The following APBB2 variants were observed in gnomAD, a reference collection of about 807,000 sequenced individuals.
The protein encoded by APBB2 is Fe65-like 1.
Under a neutral mutation model 82.5 loss-of-function variants are expected in APBB2, and 38 were observed. The ratio of observed to expected loss-of-function variants is 0.46; its 90% CI spans 0.36 to 0.60. The LOEUF is 0.60. Ranked by LOEUF, APBB2 falls within the 20% of genes least tolerant of loss-of-function variation. The pLI is 0.00. For missense variants in APBB2, 772 were observed against 972.3 expected (o/e 0.79, Z 2.74); for synonymous variants, 341 against 368.2 (o/e 0.93, Z 0.85).
chr4:40,934,354 A>C lies in APBB2; in HGVS notation c.1254+102T>G, dbSNP rs1462993449. ...AAAATTGAGGGATAATTACTTATTAAATGGCTCTGGGTTGATGGTTTGTAA... is the reference window on the plus strand; with the variant it reads ...AAAATTGAGGGATAATTACTTATTACATGGCTCTGGGTTGATGGTTTGTAA... On this transcript the variant is annotated intron_variant, in intron 10 of 17. Coordinates refer to ENST00000508593, the MANE Select transcript of APBB2 (RefSeq NM_004307.2). 6.1e-6 allele frequency: 7 copies of C among 1,147,684 alleles called. No individual in the cohort carries two copies. The Admixed American group carries it at 1.4e-4, about 23-fold the overall frequency. The allele number at this position is 1,147,684 out of a possible 1,614,324, so 71.1% of individuals were successfully genotyped here.
intron 1 of APBB2, among the ~76,000 whole-genome samples, chr4:41,153,839 G>C (rs1293312716): frequency 6.6e-6 from 1 of 152,094 alleles, no homozygotes; most frequent in Non-Finnish European, 1.5e-5. Flanking sequence ...ATATTAATTT[G>C]AATTTTATTG....
chr4:41,184,208 C>T (rs1189803151), intron 1 of APBB2, among the ~76,000 whole-genome samples: 1 of 152,158 alleles, frequency 6.6e-6, no homozygotes, highest in Non-Finnish European at 1.5e-5. Context: ...AAGCTTCATT[C>T]GCTGGCCTGC....
intron 6 of APBB2, among the ~76,000 whole-genome samples, chr4:40,986,124 A>G (rs1166581908): frequency 6.6e-6 from 1 of 152,232 alleles, no homozygotes; most frequent in Non-Finnish European, 1.5e-5. Flanking sequence ...CAATCTTCTC[A>G]AGCTACTCCA....
intron 2 of APBB2, among the ~76,000 whole-genome samples, chr4:41,133,496 C>A (rs1418356125): frequency 6.6e-6 from 1 of 152,198 alleles, no homozygotes; most frequent in Non-Finnish European, 1.5e-5. Flanking sequence ...CTCCGTGAAT[C>A]AAACCAGAAA....
chr4:40,893,514 C>A, intron 10 of APBB2, 103 bp from the exon 11 acceptor site: 1 of 1,081,864 alleles, frequency 9.2e-7, no homozygotes, highest in Non-Finnish European at 1.3e-6. Flanking sequence ...ACACTTAATG[C>A]ACCTTTATTT....
At chr4:41,005,594 C>G (rs1386806107) in intron 6 of APBB2, among the ~76,000 whole-genome samples, 2 of 152,180 alleles carry the variant, frequency 1.3e-5, no homozygotes, top group Non-Finnish European at 2.9e-5. Context: ...CCTGGCACTT[C>G]TGAGAAGCCT....
chr4:40,943,166 T>C (rs1408560002), intron 7 of APBB2, among the ~76,000 whole-genome samples: 1 of 152,148 alleles, frequency 6.6e-6, no homozygotes, highest in Non-Finnish European at 1.5e-5. Context: ...TCTGGGAGGA[T>C]TCAGGAACTC....
intron 10 of APBB2, among the ~76,000 whole-genome samples, chr4:40,904,722 A>C (rs1284459156): frequency 1.3e-5 from 2 of 149,558 alleles, no homozygotes; most frequent in African/African-American, 4.9e-5. Context: ...ATGCTTTTCA[A>C]AGCTAGGATG....
At chr4:41,167,634 G>T (rs939336449) in intron 1 of APBB2, among the ~76,000 whole-genome samples, 1 of 152,166 alleles carries the variant, frequency 6.6e-6, no homozygotes, top group Non-Finnish European at 1.5e-5. Context: ...AGCATTGTAT[G>T]GAAGTCATAT....
chr4:41,120,789 T>C (rs1385751689), intron 2 of APBB2, among the ~76,000 whole-genome samples: 1 of 152,232 alleles, frequency 6.6e-6, no homozygotes, highest in Non-Finnish European at 1.5e-5. Context: ...TATTTCTCTT[T>C]GCCAAGTTGA....
At chr4:41,189,994 G>A (rs1773961150) in intron 1 of APBB2, among the ~76,000 whole-genome samples, 1 of 152,108 alleles carries the variant, frequency 6.6e-6, no homozygotes, top group Admixed American at 6.5e-5. Flanking sequence ...TCAAATAGAA[G>A]TCCCTTAAAA....
chr4:40,952,736 T>C (rs1560370763), intron 6 of APBB2, among the ~76,000 whole-genome samples: 1 of 152,122 alleles, frequency 6.6e-6, no homozygotes, highest in Non-Finnish European at 1.5e-5. Flanking sequence ...AAGTCAAGGG[T>C]GGAATCCAGG....
chr4:41,033,622 A>AC (rs58793449), intron 4 of APBB2, among the ~76,000 whole-genome samples: 2 of 143,134 alleles, frequency 1.4e-5, no homozygotes, highest in African/African-American at 5.2e-5. Flanking sequence ...ACACACACAC[A>AC]ATTCAGCACC....
At chr4:41,180,669 A>G (rs62410017) in intron 1 of APBB2, among the ~76,000 whole-genome samples, 7,832 of 152,000 alleles carry the variant, frequency 0.052, 453 homozygotes, top group African/African-American at 0.14. Flanking sequence ...AACAAAAACT[A>G]CTAAACAGTA....
At chr4:40,946,179 C>T (rs1463305970) in intron 6 of APBB2, among the ~76,000 whole-genome samples, 1 of 141,856 alleles carries the variant, frequency 7.0e-6, no homozygotes, top group Non-Finnish European at 1.5e-5. Context: ...TTGCAGTGAG[C>T]TGAGATCACA....
chr4:40,838,329 ATTTTTTTTTT>A (rs780767835), intron 12 of APBB2, among the ~76,000 whole-genome samples: 1 of 72,274 alleles, frequency 1.4e-5, no homozygotes, highest in African/African-American at 5.9e-5. Context: ...CACATGGCTA[ATTTTTTTTTT>A]TTTTTTTTTT....
intron 4 of APBB2, among the ~76,000 whole-genome samples, chr4:41,045,720 T>A (rs1221451008): frequency 6.6e-6 from 1 of 152,238 alleles, no homozygotes; most frequent in Non-Finnish European, 1.5e-5. Flanking sequence ...TTTTATAAAA[T>A]GTCTTATTTA....
At chr4:40,821,055 C>T (rs1747747773) in intron 17 of APBB2, among the ~76,000 whole-genome samples, 1 of 152,140 alleles carries the variant, frequency 6.6e-6, no homozygotes, top group African/African-American at 2.4e-5. Flanking sequence ...TTAGTAGAGA[C>T]AGGGCTTCTC....
chr4:41,143,748 G>C (rs1759890043), intron 1 of APBB2, among the ~76,000 whole-genome samples: 1 of 152,180 alleles, frequency 6.6e-6, no homozygotes, highest in East Asian at 1.9e-4. Flanking sequence ...AATTTTATAG[G>C]CTACATAATC....
Sources: gnomAD v4.1 joint callset for allele counts (sites outside exome capture counted in the v4.1 genomes callset) on GRCh38, gnomAD v4.1.1 for gene constraint, MANE v1.5 for transcripts, NCBI Gene and HGNC (gene_info 2026-07-23, HGNC 2026-07-21) for gene names.